The following FAM163A variants were observed in gnomAD, a reference collection of about 807,000 sequenced individuals.
FAM163A encodes family with sequence similarity 163 member A.
FAM163A carries 7 observed loss-of-function variants against 12.0 expected under a neutral mutation model. That is an observed-to-expected ratio of 0.58 (90% CI 0.33 to 1.10). The LOEUF is 1.10. Among genes scored for constraint, FAM163A ranks in the 50% least tolerant of loss-of-function variants. The pLI, the probability that FAM163A is intolerant of heterozygous loss-of-function variation, is 0.03. For synonymous variants in FAM163A, 101 were observed against 91.0 expected, an observed-to-expected ratio of 1.11 and a Z score of -0.62; for missense variants, 202 against 218.6, an observed-to-expected ratio of 0.92 and a Z score of 0.48.
At chr1:179,769,302 T>G (rs1208846938) in intron 1 of FAM163A, among the ~76,000 whole-genome samples, 2 of 151,760 alleles carry the variant, frequency 1.3e-5, no homozygotes, top group Non-Finnish European at 2.9e-5. Flanking sequence ...CATGCCACCA[T>G]GCCTGGCTAA....
intron 1 of FAM163A, among the ~76,000 whole-genome samples, chr1:179,757,614 C>G (rs1315912969): frequency 3.9e-5 from 6 of 152,074 alleles, no homozygotes; most frequent in African/African-American, 1.2e-4. Context: ...GAGTTCGAGA[C>G]CAGACTGGCC....
intron 1 of FAM163A, among the ~76,000 whole-genome samples, chr1:179,751,789 A>C (rs1685310109): frequency 6.6e-6 from 1 of 152,244 alleles, no homozygotes; most frequent in Admixed American, 6.5e-5. Context: ...ATCAAGAACA[A>C]GGCCTGGAAG....
At chr1:179,788,415 A>G (rs1194262749) in intron 1 of FAM163A, among the ~76,000 whole-genome samples, 1 of 152,248 alleles carries the variant, frequency 6.6e-6, no homozygotes, top group East Asian at 1.9e-4. Flanking sequence ...TGAAGCTCAC[A>G]GGGAAAGCCT....
chr1:179,764,847 G>A (rs1031092483), intron 1 of FAM163A, among the ~76,000 whole-genome samples: 1 of 152,122 alleles, frequency 6.6e-6, no homozygotes, highest in East Asian at 1.9e-4. Flanking sequence ...TAAAAAGGGG[G>A]TAGTGACAAT....
At chr1:179,759,868 C>G (rs956131429) in intron 1 of FAM163A, among the ~76,000 whole-genome samples, 1 of 151,898 alleles carries the variant, frequency 6.6e-6, no homozygotes, top group South Asian at 2.1e-4. Flanking sequence ...GGTTTCACCA[C>G]GTTGGCCAGG....
At chr1:179,802,924 G>T (rs1269656738) in intron 1 of FAM163A, among the ~76,000 whole-genome samples, 3 of 152,024 alleles carry the variant, frequency 2.0e-5, no homozygotes, top group Admixed American at 6.6e-5. Context: ...CAAGAGTCTT[G>T]TATCTCCTAG....
chr1:179,737,525 G>A, the FAM163A span, among the ~76,000 whole-genome samples: 2 of 150,586 alleles, frequency 1.3e-5, no homozygotes, highest in African/African-American at 2.5e-5. Context: ...TTACAACAAC[G>A]AACGCCCCAT....
At chr1:179,737,774 G>T in the FAM163A span, among the ~76,000 whole-genome samples, 1 of 151,838 alleles carries the variant, frequency 6.6e-6, no homozygotes, top group South Asian at 2.1e-4. Context: ...GGCAGAGCTT[G>T]CAGAGAGTGG....
At chr1:179,784,728 A>G (rs550613952) in intron 1 of FAM163A, among the ~76,000 whole-genome samples, 1 of 152,346 alleles carries the variant, frequency 6.6e-6, no homozygotes, top group African/African-American at 2.4e-5. Context: ...AAGAAAAAGC[A>G]TACTCATTTC....
chr1:179,735,628 T>C, the FAM163A span, among the ~76,000 whole-genome samples: 5 of 147,764 alleles, frequency 3.4e-5, no homozygotes, highest in African/African-American at 1.3e-4. Flanking sequence ...CTCAGCCTCC[T>C]GAGTAGCTGG....
intron 1 of FAM163A, among the ~76,000 whole-genome samples, chr1:179,775,726 A>G (rs1308821998): frequency 6.6e-6 from 1 of 152,060 alleles, no homozygotes; most frequent in Admixed American, 6.5e-5. Flanking sequence ...GGATAGATGG[A>G]TGAAAAAATA....
intron 2 of FAM163A, among the ~76,000 whole-genome samples, chr1:179,809,132 G>A (rs1276375283): frequency 1.1e-4 from 17 of 152,078 alleles, no homozygotes; most frequent in Admixed American, 1.1e-3. Flanking sequence ...TTTTCCATTA[G>A]TACTGGGGCT....
intron 1 of FAM163A, among the ~76,000 whole-genome samples, chr1:179,793,519 A>G (rs1691820640): frequency 6.6e-6 from 1 of 152,168 alleles, no homozygotes; most frequent in Admixed American, 6.6e-5. Context: ...CAGGGATTCC[A>G]TGGACCGCTG....
chr1:179,758,321 G>C (rs16854668), intron 1 of FAM163A, among the ~76,000 whole-genome samples: 3,413 of 152,260 alleles, frequency 0.022, 119 homozygotes, highest in African/African-American at 0.079. Flanking sequence ...AAGGTCATAT[G>C]GGGTAAAGTA....
intron 1 of FAM163A, among the ~76,000 whole-genome samples, chr1:179,805,763 G>A (rs1693848726): frequency 6.6e-6 from 1 of 152,096 alleles, no homozygotes; most frequent in Admixed American, 6.5e-5. Flanking sequence ...CGAAATTCGG[G>A]GTTCTTACTG....
intron 3 of FAM163A, among the ~76,000 whole-genome samples, chr1:179,812,675 G>T (rs1397597792): frequency 6.6e-6 from 1 of 152,204 alleles, no homozygotes; most frequent in African/African-American, 2.4e-5. Context: ...TGCCCCGAAG[G>T]GTTATCGCGA....
chr1:179,805,696 C>T (rs1693838059), intron 1 of FAM163A, among the ~76,000 whole-genome samples: 1 of 152,234 alleles, frequency 6.6e-6, no homozygotes, highest in African/African-American at 2.4e-5. Context: ...CTACACCGCC[C>T]TGTTCTCTCT....
At chr1:179,783,567 TTAG>T (rs1690105968) in intron 1 of FAM163A, among the ~76,000 whole-genome samples, 1 of 151,664 alleles carries the variant, frequency 6.6e-6, no homozygotes, top group African/African-American at 2.4e-5. Context: ...ATAATCTTAC[TTAG>T]TATATAAGAA....
At chr1:179,763,562 T>C (rs1687092640) in intron 1 of FAM163A, among the ~76,000 whole-genome samples, 1 of 152,244 alleles carries the variant, frequency 6.6e-6, no homozygotes, top group Non-Finnish European at 1.5e-5. Flanking sequence ...ACTCTGCTTT[T>C]TCCTACTTTC....
Sources: allele counts gnomAD v4.1 joint callset (sites outside exome capture counted in the v4.1 genomes callset), GRCh38; gene constraint gnomAD v4.1.1; transcripts MANE v1.5; gene names NCBI Gene and HGNC (gene_info 2026-07-23, HGNC 2026-07-21).